Variants in C19orf18 observed in about 807,000 individuals in gnomAD.
C19orf18 encodes chromosome 19 open reading frame 18.
Under a neutral mutation model 23.3 loss-of-function variants are expected in C19orf18, and 21 were observed. The ratio of observed to expected loss-of-function variants is 0.90; its 90% CI spans 0.64 to 1.30. C19orf18 has a LOEUF of 1.30. Ranked by LOEUF, C19orf18 falls within the 50% of genes most tolerant of loss-of-function variation. C19orf18 has a pLI of 0.00. For missense variants in C19orf18, 249 were observed against 259.6 expected, an observed-to-expected ratio of 0.96 and a Z score of 0.28; for synonymous variants, 96 against 95.2, an observed-to-expected ratio of 1.01 and a Z score of -0.05.
intron 3 of C19orf18, among the ~76,000 whole-genome samples, chr19:57,970,448 G>A (rs933334546): frequency 1.2e-4 from 18 of 152,210 alleles, no homozygotes; most frequent in African/African-American, 4.3e-4. Context: ...TGGAGTCAGT[G>A]TCTCGTGGGT....
chr19:57,966,987 G>C (rs1164700121), intron 3 of C19orf18, among the ~76,000 whole-genome samples: 2 of 151,652 alleles, frequency 1.3e-5, no homozygotes, highest in Admixed American at 1.3e-4. Context: ...GCTCAGGCTA[G>C]GACTCTTAAT....
At position 57,960,156 on chromosome 19, in the gene C19orf18, T is replaced by C. The variant is rs537207069; in HGVS notation, c.532+1235A>G. On this transcript the variant is annotated intron_variant, in intron 5 of 5. Coordinates refer to ENST00000314391, the MANE Select transcript of C19orf18 (RefSeq NM_152474.5). ...AAATAAATTCTACAGGCGGGGTGCA[T>C]TGGCTTATGCCTGTAATCCCAGCAC... 1.6e-3 allele frequency among the ~76,000 whole-genome samples: 235 copies of C among 147,760 alleles called. 2 individuals are homozygous for C. Among genetic ancestry groups the C allele is most frequent in the Non-Finnish European group, 1.6e-3 (109 of 66,844 alleles).
chr19:57,964,759 A>G (rs1434754387), intron 4 of C19orf18, among the ~76,000 whole-genome samples: 1 of 152,232 alleles, frequency 6.6e-6, no homozygotes, highest in Non-Finnish European at 1.5e-5. Flanking sequence ...ATGGCAATAT[A>G]TCTTGTTTTC....
chr19:57,964,607 T>G (rs947643737), intron 4 of C19orf18, among the ~76,000 whole-genome samples: 25 of 152,296 alleles, frequency 1.6e-4, no homozygotes, highest in Admixed American at 1.0e-3. Context: ...ATTAAGCGGA[T>G]GTAGTGGAGA....
In C19orf18 at chr19:57,974,364, G is replaced by A; in HGVS notation, c.69C>T (p.Cys23=). 2 of 1,614,070 alleles carry A rather than the reference G, an allele frequency of 1.2e-6. No individual in the cohort carries two copies. The highest frequency in any genetic ancestry group is 3.3e-4 in the Middle Eastern group (2 of 6,062). Residue 23 remains cysteine (C), a synonymous_variant, in exon 1 of 6, where the codon TGC becomes TGT. Coordinates refer to ENST00000314391, the MANE Select transcript of C19orf18 (RefSeq NM_152474.5). Reference sequence around the variant, plus strand: ...GATGGAGTCCATCTGCATACGGCAAGCATAAATGAAGTTGGCATTCCATTA... The same window carrying A: ...GATGGAGTCCATCTGCATACGGCAAACATAAATGAAGTTGGCATTCCATTA... ...LFLMECQLHL[C]LPYADGLHPT...
chr19:57,972,402 A>C, intron 3 of C19orf18, 61 bp downstream of exon 3: 1 of 1,584,318 alleles, frequency 6.3e-7, no homozygotes, highest in Non-Finnish European at 8.6e-7. Context: ...CTGGAGCCAC[A>C]CATCACGACA....
At chr19:57,963,507 C>T (rs972726871) in intron 4 of C19orf18, among the ~76,000 whole-genome samples, 2 of 152,102 alleles carry the variant, frequency 1.3e-5, no homozygotes, top group Admixed American at 6.6e-5. Flanking sequence ...TTTTTAAATG[C>T]TTATTCTTTT....
At position 57,966,555 on chromosome 19, in the gene C19orf18, C is replaced by G; in HGVS notation, c.346G>C (p.Gly116Arg). Residue 116 changes from glycine to arginine, a missense_variant, in exon 4 of 6, where the codon GGG becomes CGG. Transcript: ENST00000314391. ...TATATCATATAGGAGATTGCCATCC[C>G]ACATATCAGGGCAATGCTGAAGGCT... ...SVAFSIALIC[G>R]MAISYMIYRL... is the part of the protein sequence containing the mutation. 6.2e-7 allele frequency: 1 copy of G among 1,610,866 alleles called. No individual in the cohort carries two copies. The highest frequency in any genetic ancestry group is 2.2e-5 in the East Asian group (1 of 44,844).
chr19:57,972,536 G>C (rs1306349436), intron 2 of C19orf18, 32 bp from the exon 3 acceptor site: 1 of 1,610,208 alleles, frequency 6.2e-7, no homozygotes, highest in African/African-American at 1.3e-5. Context: ...TCAAAAAGAA[G>C]AGACTTTAAG....
intron 3 of C19orf18, among the ~76,000 whole-genome samples, chr19:57,971,659 T>C (rs1453216617): frequency 1.3e-5 from 2 of 152,008 alleles, no homozygotes; most frequent in Admixed American, 1.3e-4. Flanking sequence ...TTAGTAGAGA[T>C]GGGGTTTCAC....
At chr19:57,961,348 C>A in intron 5 of C19orf18, 43 bp downstream of exon 5, 1 of 1,526,356 alleles carries the variant, frequency 6.6e-7, no homozygotes, top group Non-Finnish European at 8.8e-7. Context: ...GCTGCCGCTG[C>A]CAGCTTGGCT....
At chr19:57,973,021 G>A (rs1395186364) in intron 2 of C19orf18, among the ~76,000 whole-genome samples, 6 of 151,614 alleles carry the variant, frequency 4.0e-5, no homozygotes, top group African/African-American at 7.3e-5. Flanking sequence ...GGTGGCACGC[G>A]CCTGTAGTCC....
At chr19:57,970,044 C>T (rs2072934855) in intron 3 of C19orf18, among the ~76,000 whole-genome samples, 2 of 152,138 alleles carry the variant, frequency 1.3e-5, no homozygotes, top group African/African-American at 4.8e-5. Flanking sequence ...AACAGGATAG[C>T]TGAAAACTGG....
chr19:57,958,613 C>T lies in C19orf18; in HGVS notation c.637G>A (p.Glu213Lys). 3 of 1,602,134 alleles carry T rather than the reference C, an allele frequency of 1.9e-6. No homozygotes were observed. Among genetic ancestry groups the T allele is most frequent in the Non-Finnish European group, 2.6e-6 (3 of 1,172,990 alleles). ...TCTGTCGTCTGCGTTCACAAGTCTT[C>T]CATTTTTCCATTATGTGACGCATTC... ...TKNASHNGKMEDL is the reference protein window; with the variant it reads ...TKNASHNGKMKDL The change falls in exon 6 of 6, where the codon GAA (glutamate) becomes AAA (lysine). Residue 213 changes from glutamate to lysine, a missense_variant. Glu to Lys is a moderately conservative substitution (Grantham distance 56). Transcript: ENST00000314391.
At chr19:57,973,739 GA>G (rs1383503430) in intron 2 of C19orf18, among the ~76,000 whole-genome samples, 2 of 143,376 alleles carry the variant, frequency 1.4e-5, no homozygotes, top group African/African-American at 2.6e-5. Flanking sequence ...AAAAAAAAAA[GA>G]AAAAAAAGAA....
intron 3 of C19orf18, among the ~76,000 whole-genome samples, chr19:57,970,574 T>C (rs2072937691): frequency 6.6e-6 from 1 of 152,056 alleles, no homozygotes; most frequent in African/African-American, 2.4e-5. Flanking sequence ...AAGGTAGACA[T>C]CTTTCCATAT....
At chr19:57,973,970 T>C in intron 2 of C19orf18, 129 bp downstream of exon 2, 1 of 866,954 alleles carries the variant, frequency 1.2e-6, no homozygotes, top group Non-Finnish European at 1.8e-6. Context: ...TCCAAGCAAA[T>C]GTTTATCTAA....
chr19:57,967,885 G>A (rs760526296), intron 3 of C19orf18, among the ~76,000 whole-genome samples: 3 of 152,126 alleles, frequency 2.0e-5, no homozygotes, highest in East Asian at 1.9e-4. Context: ...GGTGGCACAC[G>A]CCTGTAATCC....
At chr19:57,967,301 C>G (rs1053081358) in intron 3 of C19orf18, among the ~76,000 whole-genome samples, 1 of 152,132 alleles carries the variant, frequency 6.6e-6, no homozygotes, top group African/African-American at 2.4e-5. Context: ...GGGCACAGCT[C>G]CTGGAGGAGT....
Sources: gnomAD v4.1 joint callset for allele counts (sites outside exome capture counted in the v4.1 genomes callset) on GRCh38, gnomAD v4.1.1 for gene constraint, MANE v1.5 for transcripts, NCBI Gene and HGNC (gene_info 2026-07-23, HGNC 2026-07-21) for gene names.